The following LSAMP variants were observed in gnomAD, a reference collection of about 807,000 sequenced individuals.
LSAMP encodes the protein limbic system-associated membrane protein.
A neutral mutation model predicts 38.6 loss-of-function variants in LSAMP; 7 were observed. The ratio of observed to expected loss-of-function variants is 0.18; its 90% CI spans 0.10 to 0.34. The LOEUF is 0.34. LSAMP is among the 10% of genes least tolerant of loss of function. The probability of loss-of-function intolerance (pLI) is 1.00; values close to 1 mark genes in which losing one functional copy is unlikely to be tolerated. For synonymous variants in LSAMP, 154 were observed against 166.8 expected (o/e 0.92, Z 0.59); for missense variants, 313 against 420.0 (o/e 0.75, Z 2.23).
At chr3:116,396,240 C>T (rs1054042549) in intron 1 of LSAMP, among the ~76,000 whole-genome samples, 2 of 152,152 alleles carry the variant, frequency 1.3e-5, no homozygotes, top group African/African-American at 4.8e-5. Context: ...TTTTCTTATG[C>T]AATTCTATCC....
At chr3:115,837,107 C>T (rs1262894715) in intron 6 of LSAMP, among the ~76,000 whole-genome samples, 7 of 152,060 alleles carry the variant, frequency 4.6e-5, no homozygotes, top group Admixed American at 2.0e-4. Context: ...CAAGCCTTTC[C>T]GATAATAAAA....
intron 1 of LSAMP, among the ~76,000 whole-genome samples, chr3:116,427,359 A>T (rs1321301115): frequency 1.3e-5 from 2 of 151,696 alleles, no homozygotes; most frequent in Admixed American, 1.3e-4. Context: ...TGACCTCATG[A>T]TCCACCCGCC....
At chr3:116,416,914 G>C (rs1199241907) in intron 1 of LSAMP, among the ~76,000 whole-genome samples, 1 of 152,124 alleles carries the variant, frequency 6.6e-6, no homozygotes, top group Non-Finnish European at 1.5e-5. Flanking sequence ...AGAAGGGTAA[G>C]TGAAGAGGCA....
intron 3 of LSAMP, among the ~76,000 whole-genome samples, chr3:115,911,790 A>G (rs1237803005): frequency 6.6e-6 from 1 of 152,236 alleles, no homozygotes; most frequent in African/African-American, 2.4e-5. Context: ...ACAATTTTAC[A>G]TTCCCACCAA....
intron 3 of LSAMP, among the ~76,000 whole-genome samples, chr3:115,869,269 G>GGAGAGAGAGAGAGAGAGA (rs35112915): frequency 0.011 from 1,421 of 128,310 alleles, 21 homozygotes; most frequent in East Asian, 0.025. Flanking sequence ...TCTTGGAGGG[G>GGAGAGAGAGAGAGAGAGA]GAGAGAGAGA....
At chr3:116,060,120 G>A (rs974310939) in intron 2 of LSAMP, among the ~76,000 whole-genome samples, 4 of 150,668 alleles carry the variant, frequency 2.7e-5, no homozygotes, top group African/African-American at 7.4e-5. Flanking sequence ...TCTCTTTCCC[G>A]CCTTTCTGCT....
intron 2 of LSAMP, among the ~76,000 whole-genome samples, chr3:116,084,074 C>G (rs186157168): frequency 6.6e-6 from 1 of 152,072 alleles, no homozygotes; most frequent in Non-Finnish European, 1.5e-5. Flanking sequence ...GAAACCCTGT[C>G]CTAAGCCTAC....
At chr3:116,134,751 T>C (rs1709210713) in intron 1 of LSAMP, among the ~76,000 whole-genome samples, 1 of 152,218 alleles carries the variant, frequency 6.6e-6, no homozygotes, top group Non-Finnish European at 1.5e-5. Context: ...AGTTACTTTA[T>C]AACAGTGCAT....
rs143631176 is a variant in LSAMP at position 115,899,332 on chromosome 3, A to G, written c.515-46715T>C. Among the ~76,000 whole-genome samples, 14 of 152,206 alleles carry G rather than the reference A, an allele frequency of 9.2e-5. No individual in the cohort carries two copies. In the East Asian group the frequency reaches 2.7e-3, roughly 29 times the overall value. On this transcript the variant is annotated intron_variant, in intron 3 of 6. Transcript: ENST00000490035. ...TTAACACCTGTTTGTTTCAGAGGGC[A>G]CTGCCTTCCTAGGAAACACTCCAGA...
chr3:115,883,492 G>A (rs1032648745), intron 3 of LSAMP, among the ~76,000 whole-genome samples: 3 of 152,002 alleles, frequency 2.0e-5, no homozygotes, highest in African/African-American at 7.2e-5. Context: ...GATGGAACCA[G>A]GGTTGGAAAA....
intron 2 of LSAMP, among the ~76,000 whole-genome samples, chr3:116,035,644 G>T (rs1447096846): frequency 6.6e-6 from 1 of 151,966 alleles, no homozygotes; most frequent in Non-Finnish European, 1.5e-5. Flanking sequence ...TATACACTAG[G>T]CTTCCACCCA....
chr3:116,079,865 C>A (rs1029811807), intron 2 of LSAMP, among the ~76,000 whole-genome samples: 2 of 151,748 alleles, frequency 1.3e-5, no homozygotes, highest in African/African-American at 4.8e-5. Flanking sequence ...TACATAAATT[C>A]AAAAAATTGC....
At chr3:116,218,532 G>A (rs774851551) in intron 1 of LSAMP, among the ~76,000 whole-genome samples, 1 of 152,176 alleles carries the variant, frequency 6.6e-6, no homozygotes, top group Non-Finnish European at 1.5e-5. Context: ...ACTTCCCAGT[G>A]TACAACATTG....
intron 3 of LSAMP, among the ~76,000 whole-genome samples, chr3:115,918,528 C>T (rs1323878375): frequency 2.6e-5 from 4 of 152,116 alleles, no homozygotes; most frequent in Admixed American, 6.5e-5. Flanking sequence ...ATCAGTCTCT[C>T]ACTGGCATGG....
At chr3:116,249,287 A>G (rs2046647482) in intron 1 of LSAMP, among the ~76,000 whole-genome samples, 1 of 152,052 alleles carries the variant, frequency 6.6e-6, no homozygotes, top group South Asian at 2.1e-4. Context: ...TCTTTATCTG[A>G]TATTTTTTTC....
chr3:116,230,942 C>G (rs2046396361), intron 1 of LSAMP, among the ~76,000 whole-genome samples: 1 of 152,030 alleles, frequency 6.6e-6, no homozygotes, highest in African/African-American at 2.4e-5. Flanking sequence ...ATTAATGAAG[C>G]AAACTGAGGA....
chr3:115,858,902 A>G (rs1350448727), intron 3 of LSAMP, among the ~76,000 whole-genome samples: 2 of 152,224 alleles, frequency 1.3e-5, no homozygotes, highest in Non-Finnish European at 2.9e-5. Flanking sequence ...CTGTTCTTAC[A>G]GTATGTTTCA....
At chr3:116,263,905 C>CTTAGAGGAGAAAGG (rs1321694115) in intron 1 of LSAMP, among the ~76,000 whole-genome samples, 1 of 152,054 alleles carries the variant, frequency 6.6e-6, no homozygotes, top group East Asian at 1.9e-4. Flanking sequence ...GGCTTCTTTA[C>CTTAGAGGAGAAAGG]TTAGAGGAGA....
At chr3:115,903,272 G>A (rs983079811) in intron 3 of LSAMP, among the ~76,000 whole-genome samples, 1 of 152,092 alleles carries the variant, frequency 6.6e-6, no homozygotes, top group African/African-American at 2.4e-5. Flanking sequence ...TCACTTACAC[G>A]TGGGAGCTAA....
Sources: allele counts gnomAD v4.1 joint callset (sites outside exome capture counted in the v4.1 genomes callset), GRCh38; gene constraint gnomAD v4.1.1; transcripts MANE v1.5; gene names NCBI Gene and HGNC (gene_info 2026-07-23, HGNC 2026-07-21).